Variants in SMC6 observed in about 807,000 individuals in gnomAD.
SMC6 encodes structural maintenance of chromosomes 6, also known as structural maintenance of chromosomes protein 6.
In SMC6, 79 loss-of-function variants were observed where a neutral mutation model predicts 142.2. The ratio of observed to expected loss-of-function variants is 0.56; its 90% confidence interval spans 0.46 to 0.67. The LOEUF (loss-of-function observed/expected upper bound fraction) is 0.67. Ranked by LOEUF, SMC6 falls within the 30% of genes least tolerant of loss-of-function variation. SMC6 has a pLI of 0.00. For synonymous variants in SMC6, 411 were observed against 412.4 expected (o/e 1.00, Z 0.04); for missense variants, 1,072 against 1,284.0 (o/e 0.83, Z 2.52).
In SMC6 at chr2:17,709,227, TCATA is replaced by T. The variant is rs1272609059; in HGVS notation, c.1731-478_1731-475del. ...TTAATAATTACAATTTCCTTAAATCTCATACAGTTATCATACATAAGTCAATTAT... is the reference window on the plus strand; with the variant it reads ...TTAATAATTACAATTTCCTTAAATCTCAGTTATCATACATAAGTCAATTAT... On this transcript the variant is annotated intron_variant, in intron 16 of 27. Transcript: ENST00000448223. Among the ~76,000 whole-genome samples the T allele has an allele frequency of 6.6e-5, 10 of 151,150 alleles. 1 individual carries two copies. The South Asian group carries it at 1.5e-3, about 22-fold the overall frequency.
intron 23 of SMC6, 47 bp downstream of exon 23, chr2:17,695,105 A>G: frequency 6.3e-7 from 1 of 1,596,198 alleles, no homozygotes; most frequent in Admixed American, 1.8e-5. Context: ...TGTCTTGATG[A>G]TATGCATGAA....
chr2:17,725,175 CAT>C, intron 9 of SMC6, 80 bp downstream of exon 9: 2 of 859,176 alleles, frequency 2.3e-6, no homozygotes, highest in South Asian at 1.7e-5. Context: ...TATACAGACA[CAT>C]AGTTTTACAA....
intron 25 of SMC6, among the ~76,000 whole-genome samples, chr2:17,676,853 G>A (rs377504846): frequency 1.4e-4 from 22 of 152,196 alleles, no homozygotes; most frequent in African/African-American, 5.3e-4. Flanking sequence ...ATCATTTGGT[G>A]CAAGTACATA....
chr2:17,669,358 T>C (rs1666649914), intron 26 of SMC6, among the ~76,000 whole-genome samples: 1 of 152,128 alleles, frequency 6.6e-6, no homozygotes, highest in African/African-American at 2.4e-5. Context: ...TGTCAGGATG[T>C]GGTGCTATGA....
At chr2:17,690,352 G>C (rs1358015236) in intron 23 of SMC6, among the ~76,000 whole-genome samples, 1 of 152,160 alleles carries the variant, frequency 6.6e-6, no homozygotes, top group Non-Finnish European at 1.5e-5. Flanking sequence ...CCAGCACTTT[G>C]GGAGGCTGAG....
At chr2:17,711,319 A>C (rs1258741412) in intron 16 of SMC6, among the ~76,000 whole-genome samples, 1 of 152,184 alleles carries the variant, frequency 6.6e-6, no homozygotes, top group African/African-American at 2.4e-5. Context: ...CCAAAAGTAG[A>C]AAGGAATATA....
intron 11 of SMC6, 30 bp downstream of exon 11, chr2:17,720,910 A>G (rs1223206129): frequency 1.3e-6 from 2 of 1,554,526 alleles, no homozygotes; most frequent in East Asian, 4.5e-5. Context: ...GATTCAACCT[A>G]TTAAATCTGC....
chr2:17,704,130 C>T (rs1668396403), intron 18 of SMC6, among the ~76,000 whole-genome samples: 1 of 150,888 alleles, frequency 6.6e-6, no homozygotes, highest in South Asian at 2.1e-4. Flanking sequence ...TAAACTATCA[C>T]ATTAAAATGT....
chr2:17,735,424 T>A (rs1368941596), intron 5 of SMC6, among the ~76,000 whole-genome samples: 1 of 152,224 alleles, frequency 6.6e-6, no homozygotes, highest in Non-Finnish European at 1.5e-5. Flanking sequence ...AAAAAGATGA[T>A]ACAACTGCTC....
Position 17,701,812 on chromosome 2 carries a change from G to T in SMC6, c.2223+17C>A. The T allele has an allele frequency of 6.8e-7, 1 of 1,477,490 alleles. No individual in the cohort carries two copies. The highest frequency in any genetic ancestry group is 1.3e-5 in the South Asian group (1 of 79,796). The allele number at this position is 1,477,490 out of a possible 1,614,324, so 91.5% of individuals were successfully genotyped here. On this transcript the variant is annotated intron_variant, in intron 20 of 27. Transcript: ENST00000448223. The stretch of plus-strand genomic sequence containing the variant: ...TACCCTTTAATATTACATTTAAATT[G>T]AAAAAAAGTATTTTACCAAAGTTGC...
chr2:17,721,487 A>G (rs969283665), intron 9 of SMC6, among the ~76,000 whole-genome samples: 1 of 152,146 alleles, frequency 6.6e-6, no homozygotes, highest in African/African-American at 2.4e-5. Context: ...TACTCTTCAG[A>G]TGAAGAGCAA....
At position 17,726,444 on chromosome 2, in the gene SMC6, G is replaced by A; in HGVS notation, c.569C>T (p.Thr190Ile). The change falls in exon 8 of 28, where the codon ACA (threonine) becomes ATA (isoleucine). Residue 190 changes from threonine (T) to isoleucine (I), a missense_variant. Around this residue, in one of 3 missense-constraint regions of SMC6, gnomAD observed 994 missense variants for 1,153.2 expected, o/e 0.86. Coordinates refer to ENST00000448223, the MANE Select transcript of SMC6 (RefSeq NM_001142286.2). Reference protein sequence around the residue: ...IQVDNPVSVLTQEMSKQFLQS... With the variant: ...IQVDNPVSVLIQEMSKQFLQS... ...TAAGAACTGCTTGCTCATTTCTTGT[G>A]TTAAAACAGAAACTGGATTATCCAC... 6.2e-7 allele frequency: 1 copy of A among 1,611,302 alleles called. No homozygotes were observed. Among genetic ancestry groups the A allele is most frequent in the Non-Finnish European group, 8.5e-7 (1 of 1,179,266 alleles).
chr2:17,722,227 C>T (rs1669405013), intron 9 of SMC6, among the ~76,000 whole-genome samples: 1 of 152,106 alleles, frequency 6.6e-6, no homozygotes, highest in African/African-American at 2.4e-5. Flanking sequence ...CAGACAGAAA[C>T]TCCCTCAACA....
In SMC6 at chr2:17,745,948, AGG is replaced by A; in HGVS notation, c.-4_-3del. 6.3e-7 allele frequency: 1 copy of A among 1,596,840 alleles called. No individual in the cohort carries two copies. The highest frequency in any genetic ancestry group is 2.2e-5 in the East Asian group (1 of 44,600). Reference sequence around the variant, plus strand: ...ATTTTCTTCCTTTCTTTTGGCCATCAGGTCTGAACAAATATTTATAGTAACAA... The same window carrying A: ...ATTTTCTTCCTTTCTTTTGGCCATCATCTGAACAAATATTTATAGTAACAA... On this transcript the variant is annotated splice_region_variant and 5_prime_UTR_variant, in exon 3 of 28. In the 5' UTR this introduces an upstream ATG that the reference lacks. Transcript: ENST00000448223.
intron 21 of SMC6, among the ~76,000 whole-genome samples, chr2:17,698,423 A>G (rs937931262): frequency 3.3e-5 from 5 of 152,028 alleles, no homozygotes; most frequent in African/African-American, 1.2e-4. Context: ...TTGCACACAT[A>G]TTTAGAATTG....
At position 17,739,879 on chromosome 2, in the gene SMC6, AACACACACACACACAC is replaced by A. The variant is rs60784309; in HGVS notation, c.239-1569_239-1554del. On this transcript the variant is annotated intron_variant, in intron 4 of 27. Coordinates refer to ENST00000448223, the MANE Select transcript of SMC6 (RefSeq NM_001142286.2). The stretch of plus-strand genomic sequence containing the variant: ...ACACACACACACAGAGAATATGGTA[AACACACACACACACAC>A]ACACACACACACACACACACACACA... 8.0e-3 allele frequency among the ~76,000 whole-genome samples: 923 copies of A among 115,536 alleles called. 8 individuals are homozygous for A. The highest frequency in any genetic ancestry group is 0.01 in the Non-Finnish European group (588 of 57,710). 75.8% of individuals were successfully genotyped at this position (115,536 alleles called of 152,430 possible). A position where few individuals can be genotyped will look rare whatever the true frequency, so the allele number is the denominator to read the frequency against.
chr2:17,672,189 T>C (rs1341117857), intron 25 of SMC6, among the ~76,000 whole-genome samples: 1 of 152,120 alleles, frequency 6.6e-6, no homozygotes, highest in Non-Finnish European at 1.5e-5. Context: ...ACCAATTTAA[T>C]AAATGAAGCC....
In SMC6 at chr2:17,717,153, G is replaced by A. The variant is rs756607678; in HGVS notation, c.1116C>T (p.Asn372=). The change falls in exon 13 of 28, where the codon AAC becomes AAT. Residue 372 remains asparagine (N), a synonymous_variant. Coordinates refer to ENST00000448223, the MANE Select transcript of SMC6 (RefSeq NM_001142286.2). Reference sequence around the variant, plus strand: ...CATCTTTCTTTAATGCTTTATATTCGTTTAAGGATCGGTTATATAAAACCT... The same window carrying A: ...CATCTTTCTTTAATGCTTTATATTCATTTAAGGATCGGTTATATAAAACCT... The part of the protein sequence containing the change: ...EAEVLYNRSL[N]EYKALKKDDE... 5.5e-5 allele frequency: 89 copies of A among 1,608,112 alleles called. No homozygotes were observed. Among genetic ancestry groups the A allele is most frequent in the Non-Finnish European group, 6.6e-5 (78 of 1,178,068 alleles).
intron 4 of SMC6, among the ~76,000 whole-genome samples, chr2:17,739,837 C>G (rs1364213107): frequency 9.6e-6 from 1 of 104,454 alleles, no homozygotes; most frequent in Non-Finnish European, 1.9e-5. Context: ...CACACACACA[C>G]ACACACAGAC....
Sources: gnomAD v4.1 joint callset for allele counts (sites outside exome capture counted in the v4.1 genomes callset) on GRCh38, gnomAD v4.1.1 for gene constraint, gnomAD v4.1.1 regional missense constraint, MANE v1.5 for transcripts, NCBI Gene and HGNC (gene_info 2026-07-23, HGNC 2026-07-21) for gene names.